The following TPH2 variants were observed in gnomAD, a reference collection of about 807,000 sequenced individuals.
TPH2 encodes the protein tryptophan hydroxylase 2, also known as tryptophan 5-hydroxylase 2.
In TPH2, 27 loss-of-function variants were observed where a neutral mutation model predicts 59.1. That is an observed-to-expected ratio of 0.46 (90% CI 0.34 to 0.63). The LOEUF is 0.63. Ranked by LOEUF, TPH2 falls within the 30% of genes least tolerant of loss-of-function variation. The pLI is 0.01. For missense variants in TPH2, 523 were observed against 588.3 expected (o/e 0.89, Z 1.15); for synonymous variants, 220 against 210.5 (o/e 1.05, Z -0.39).
At chr12:71,969,100 G>T (rs1315249944) in intron 5 of TPH2, among the ~76,000 whole-genome samples, 1 of 152,130 alleles carries the variant, frequency 6.6e-6, no homozygotes, top group African/African-American at 2.4e-5. Context: ...TGGCTAACAC[G>T]GTGAAACCCC....
intron 8 of TPH2, among the ~76,000 whole-genome samples, chr12:72,011,970 C>A (rs1240437075): frequency 2.0e-5 from 3 of 152,164 alleles, no homozygotes; most frequent in Non-Finnish European, 4.4e-5. Context: ...CTACTGTAGA[C>A]TTTTACAAAG....
intron 9 of TPH2, among the ~76,000 whole-genome samples, chr12:72,029,743 A>G (rs534745629): frequency 6.6e-6 from 1 of 152,166 alleles, no homozygotes; most frequent in Non-Finnish European, 1.5e-5. Flanking sequence ...TTATCTGGAC[A>G]ATGGAACTTT....
At chr12:71,969,824 A>G (rs1389724879) in intron 5 of TPH2, among the ~76,000 whole-genome samples, 1 of 152,204 alleles carries the variant, frequency 6.6e-6, no homozygotes, top group Non-Finnish European at 1.5e-5. Context: ...TAGACTGACT[A>G]GGTTTTAAGC....
chr12:71,975,993 A>G (rs1192440055), intron 6 of TPH2, among the ~76,000 whole-genome samples: 1 of 152,186 alleles, frequency 6.6e-6, no homozygotes, highest in African/African-American at 2.4e-5. Flanking sequence ...ATACTGTTGT[A>G]TTTGCCCCCC....
chr12:71,956,503 CCCTCCCTCCTTCCCTCCTTCCCTCCTT>C (rs1871506635), intron 5 of TPH2, among the ~76,000 whole-genome samples: 22 of 7,968 alleles, frequency 2.8e-3, no homozygotes, highest in East Asian at 0.011. Context: ...TTCTTTCCCT[CCCTCCCTCCTTCCCTCCTTCCCTCCTT>C]CTTTCCCTCC....
Position 71,976,388 on chromosome 12 carries a change from T to A in TPH2, c.806-2564T>A, listed in dbSNP as rs143433030. On this transcript the variant is annotated intron_variant, in intron 6 of 10. Coordinates refer to ENST00000333850, the MANE Select transcript of TPH2 (RefSeq NM_173353.4). ...TGTAAGTATAGGTGTCCTTATATCATTTCATTGACTCACTTTTAAAATACC... is the reference window on the plus strand; with the variant it reads ...TGTAAGTATAGGTGTCCTTATATCAATTCATTGACTCACTTTTAAAATACC... Among the ~76,000 whole-genome samples, 607 of 152,354 alleles carry A rather than the reference T, an allele frequency of 4.0e-3. 5 individuals carry two copies. Among genetic ancestry groups the A allele is most frequent in the African/African-American group, 0.014 (577 of 41,580 alleles).
intron 8 of TPH2, among the ~76,000 whole-genome samples, chr12:72,020,516 T>G (rs1180867988): frequency 6.6e-6 from 1 of 151,926 alleles, no homozygotes; most frequent in Non-Finnish European, 1.5e-5. Flanking sequence ...GAGACGGAGT[T>G]TTGCTCTTGT....
intron 7 of TPH2, among the ~76,000 whole-genome samples, chr12:71,985,761 T>A (rs1339820370): frequency 6.6e-6 from 1 of 152,130 alleles, no homozygotes; most frequent in Non-Finnish European, 1.5e-5. Context: ...AAAGACTGTT[T>A]ATGGCTATTA....
chr12:72,005,492 A>G (rs1276766685), intron 8 of TPH2, among the ~76,000 whole-genome samples: 2 of 152,224 alleles, frequency 1.3e-5, no homozygotes, highest in Non-Finnish European at 2.9e-5. Flanking sequence ...ATTTTGGCAT[A>G]TAGTCTTCTA....
At chr12:71,981,707 A>C (rs2139210709) in intron 7 of TPH2, among the ~76,000 whole-genome samples, 1 of 152,206 alleles carries the variant, frequency 6.6e-6, no homozygotes, top group Admixed American at 6.5e-5. Flanking sequence ...GAGGAGGATC[A>C]AGCTTGGAGG....
intron 4 of TPH2, among the ~76,000 whole-genome samples, chr12:71,948,126 A>T (rs1009366012): frequency 3.3e-5 from 5 of 152,118 alleles, no homozygotes; most frequent in African/African-American, 1.2e-4. Flanking sequence ...TTTAAAGGGC[A>T]CAGATCTATT....
intron 8 of TPH2, among the ~76,000 whole-genome samples, chr12:72,004,881 A>C (rs1872912983): frequency 6.6e-6 from 1 of 152,210 alleles, no homozygotes; most frequent in Non-Finnish European, 1.5e-5. Flanking sequence ...TGATATAAAA[A>C]CCCAGAATAC....
intron 9 of TPH2, among the ~76,000 whole-genome samples, chr12:72,023,125 T>G (rs148054787): frequency 2.0e-3 from 302 of 152,314 alleles, no homozygotes; most frequent in Middle Eastern, 3.4e-3. Context: ...TGGAATATTC[T>G]GATAATTTAA....
intron 5 of TPH2, among the ~76,000 whole-genome samples, chr12:71,952,494 T>A (rs1458103257): frequency 1.3e-5 from 2 of 152,094 alleles, no homozygotes; most frequent in Non-Finnish European, 2.9e-5. Flanking sequence ...CACAAAATGA[T>A]CCTTATAGTC....
intron 5 of TPH2, among the ~76,000 whole-genome samples, chr12:71,957,693 G>A (rs1043075580): frequency 1.7e-4 from 26 of 152,226 alleles, no homozygotes; most frequent in African/African-American, 6.3e-4. Flanking sequence ...AATGGGCTGG[G>A]TTAAAGGAAC....
chr12:71,972,225 C>T (rs1315000254), intron 5 of TPH2, among the ~76,000 whole-genome samples: 5 of 152,114 alleles, frequency 3.3e-5, no homozygotes, highest in South Asian at 2.1e-4. Context: ...CCTTCCAACC[C>T]GTAACTATTA....
At chr12:71,968,529 C>T (rs1871880345) in intron 5 of TPH2, among the ~76,000 whole-genome samples, 4 of 152,232 alleles carry the variant, frequency 2.6e-5, no homozygotes, top group Non-Finnish European at 5.9e-5. Context: ...CTCCCAGGGA[C>T]TGTCGGTCCC....
At chr12:71,959,925 G>T (rs146638075) in intron 5 of TPH2, among the ~76,000 whole-genome samples, 1 of 151,698 alleles carries the variant, frequency 6.6e-6, no homozygotes, top group Non-Finnish European at 1.5e-5. Context: ...TTTTCCTTTC[G>T]CTGCCCTTTT....
chr12:71,972,450 T>C, intron 5 of TPH2, 69 bp from the exon 6 acceptor site: 2 of 1,480,626 alleles, frequency 1.4e-6, no homozygotes, highest in South Asian at 1.1e-5. Context: ...GTGATAGGTA[T>C]TGAGGTGAGA....
Sources: gnomAD v4.1 joint callset for allele counts (sites outside exome capture counted in the v4.1 genomes callset) on GRCh38, gnomAD v4.1.1 for gene constraint, MANE v1.5 for transcripts, NCBI Gene and HGNC (gene_info 2026-07-23, HGNC 2026-07-21) for gene names.